The following MAST4 variants were observed in gnomAD, a reference collection of about 807,000 sequenced individuals.
MAST4 encodes microtubule-associated serine/threonine-protein kinase 4.
In MAST4, 89 loss-of-function variants were observed where a neutral mutation model predicts 162.7. The observed-to-expected ratio is 0.55, with a 90% CI of 0.46 to 0.65. The LOEUF is 0.65. Ranked by LOEUF, MAST4 falls within the 30% of genes least tolerant of loss-of-function variation. The pLI is 0.00. For missense variants in MAST4, 3,153 were observed against 3,374.0 expected, an observed-to-expected ratio of 0.93 and a Z score of 1.62; for synonymous variants, 1,479 against 1,361.1, an observed-to-expected ratio of 1.09 and a Z score of -1.91.
intron 2 of MAST4, among the ~76,000 whole-genome samples, chr5:66,780,830 G>A (rs193091608): frequency 4.4e-4 from 67 of 152,200 alleles, no homozygotes; most frequent in Admixed American, 3.7e-3. Flanking sequence ...TACAGAGTGC[G>A]GATTGGCGCA....
intron 4 of MAST4, among the ~76,000 whole-genome samples, chr5:66,951,032 C>T (rs1470327658): frequency 2.0e-5 from 3 of 152,116 alleles, no homozygotes; most frequent in Non-Finnish European, 4.4e-5. Flanking sequence ...CCATAATGTA[C>T]TTAGCCATTT....
intron 1 of MAST4, among the ~76,000 whole-genome samples, chr5:66,735,161 G>A (rs965027257): frequency 6.6e-6 from 1 of 152,192 alleles, no homozygotes; most frequent in Non-Finnish European, 1.5e-5. Flanking sequence ...TTTTCTACCA[G>A]TATTATAGCC....
At chr5:66,701,950 G>T (rs186082347) in intron 1 of MAST4, among the ~76,000 whole-genome samples, 14 of 152,174 alleles carry the variant, frequency 9.2e-5, no homozygotes, top group Non-Finnish European at 2.1e-4. Flanking sequence ...AATATACTAG[G>T]CTTTTACATT....
chr5:66,628,915 C>A (rs192889531), intron 1 of MAST4, among the ~76,000 whole-genome samples: 1 of 152,200 alleles, frequency 6.6e-6, no homozygotes, highest in Non-Finnish European at 1.5e-5. Flanking sequence ...CAGCAATGTC[C>A]CTGCAATAGA....
chr5:66,934,216 T>C (rs1205458856), intron 4 of MAST4, among the ~76,000 whole-genome samples: 1 of 138,268 alleles, frequency 7.2e-6, no homozygotes, highest in East Asian at 1.9e-4. Flanking sequence ...GAGGCTTCCT[T>C]TATTTTATTT....
intron 4 of MAST4, among the ~76,000 whole-genome samples, chr5:67,014,781 CCATTTTAGCAGGTAGACTT>C (rs1753082061): frequency 6.6e-6 from 1 of 152,146 alleles, no homozygotes; most frequent in African/African-American, 2.4e-5. Context: ...GGCCAAAATG[CCATTTTAGCAGGTAGACTT>C]CATTTTTCTA....
chr5:66,953,832 G>A (rs1744981389), intron 4 of MAST4, among the ~76,000 whole-genome samples: 1 of 152,300 alleles, frequency 6.6e-6, no homozygotes, highest in Non-Finnish European at 1.5e-5. Context: ...ATATCTGTGT[G>A]CTATAGGATG....
chr5:67,082,496 G>A (rs535420830), intron 5 of MAST4, among the ~76,000 whole-genome samples: 1 of 152,308 alleles, frequency 6.6e-6, no homozygotes, highest in African/African-American at 2.4e-5. Flanking sequence ...AACTGTTTCA[G>A]ACTGAATGAA....
intron 3 of MAST4, among the ~76,000 whole-genome samples, chr5:66,868,244 A>T (rs1011219985): frequency 6.6e-6 from 1 of 152,078 alleles, no homozygotes; most frequent in South Asian, 2.1e-4. Context: ...CAAGACTGGG[A>T]ATAGGGAAAG....
chr5:66,832,771 A>C (rs555244202), intron 3 of MAST4, among the ~76,000 whole-genome samples: 10 of 152,222 alleles, frequency 6.6e-5, no homozygotes, highest in Non-Finnish European at 1.5e-5. Flanking sequence ...ATAGGGAAGA[A>C]GTCTAGTTGG....
chr5:67,155,643 C>G (rs1285558072), intron 26 of MAST4, among the ~76,000 whole-genome samples: 1 of 152,152 alleles, frequency 6.6e-6, no homozygotes, highest in East Asian at 1.9e-4. Context: ...TTTCCATGGA[C>G]ACTGGGGAGC....
At chr5:66,705,792 C>T (rs1345631186) in intron 1 of MAST4, among the ~76,000 whole-genome samples, 1 of 152,088 alleles carries the variant, frequency 6.6e-6, no homozygotes, top group Non-Finnish European at 1.5e-5. Context: ...ATTCAAAACC[C>T]TTTTGCATAT....
chr5:66,743,137 C>T (rs1752564516), intron 1 of MAST4, among the ~76,000 whole-genome samples: 1 of 152,222 alleles, frequency 6.6e-6, no homozygotes, highest in Admixed American at 6.5e-5. Context: ...TCTAATCACT[C>T]ATATGATAGA....
chr5:66,986,371 TGCTC>T (rs1252350744), intron 4 of MAST4: 1 of 1,040,742 alleles, frequency 9.6e-7, no homozygotes, highest in Non-Finnish European at 1.4e-6. Flanking sequence ...GAGAAATACT[TGCTC>T]TTTATTTTAG....
At chr5:67,146,719 A>G (rs1423404122) in intron 23 of MAST4, among the ~76,000 whole-genome samples, 1 of 152,002 alleles carries the variant, frequency 6.6e-6, no homozygotes, top group African/African-American at 2.4e-5. Flanking sequence ...ATAATGTTGG[A>G]TTTTCTTCTC....
intron 4 of MAST4, among the ~76,000 whole-genome samples, chr5:66,912,073 T>A (rs998423576): frequency 1.3e-5 from 2 of 152,168 alleles, no homozygotes; most frequent in African/African-American, 4.8e-5. Flanking sequence ...TCTTCTAGAT[T>A]TATTTTATTT....
chr5:66,690,802 C>T (rs1748990644), intron 1 of MAST4, among the ~76,000 whole-genome samples: 1 of 152,170 alleles, frequency 6.6e-6, no homozygotes, highest in Admixed American at 6.5e-5. Flanking sequence ...TAACCTCATT[C>T]CTGTTCTTCC....
intron 1 of MAST4, among the ~76,000 whole-genome samples, chr5:66,653,052 A>G (rs1294894748): frequency 6.6e-6 from 1 of 152,152 alleles, no homozygotes; most frequent in African/African-American, 2.4e-5. Context: ...GCTGTGCTAG[A>G]TCCATAATAG....
chr5:66,728,964 T>C (rs542936473), intron 1 of MAST4, among the ~76,000 whole-genome samples: 2 of 152,336 alleles, frequency 1.3e-5, no homozygotes, highest in East Asian at 3.9e-4. Flanking sequence ...TGCTGTTTGC[T>C]TCCTGGGTTC....
Sources: gnomAD v4.1 joint callset for allele counts (sites outside exome capture counted in the v4.1 genomes callset) on GRCh38, gnomAD v4.1.1 for gene constraint, MANE v1.5 for transcripts, NCBI Gene and HGNC (gene_info 2026-07-23, HGNC 2026-07-21) for gene names.